The following LAMP2 variants were observed in gnomAD, a reference collection of about 807,000 sequenced individuals.
LAMP2 encodes the protein lysosome associated membrane protein 2.
A neutral mutation model predicts 25.6 loss-of-function variants in LAMP2; 4 were observed. The ratio of observed to expected loss-of-function variants is 0.16; its 90% CI spans 0.08 to 0.36. LAMP2 has a LOEUF of 0.36. LAMP2 is among the 10% of genes least tolerant of loss of function. The pLI is 1.00. For missense variants in LAMP2, 272 were observed against 301.4 expected, an observed-to-expected ratio of 0.90 and a Z score of 0.72; for synonymous variants, 108 against 112.7, an observed-to-expected ratio of 0.96 and a Z score of 0.27.
At chrX:120,449,200 T>A in intron 3 of LAMP2, 72 bp from the exon 4 acceptor site, 4 of 858,033 alleles carry the variant, frequency 4.7e-6, no homozygotes, top group Non-Finnish European at 6.7e-6. Flanking sequence ...TATATTTGTA[T>A]AGGCTTTCTT....
Position 120,429,138 on chromosome X carries a change from G to GTA in LAMP2, c.*2183_*2184dup. The GTA allele has an allele frequency of 1.5e-6, 1 of 658,967 alleles. No individual in the cohort carries two copies. Among genetic ancestry groups the GTA allele is most frequent in the South Asian group, 7.8e-5 (1 of 12,877 alleles). 54.3% of individuals were successfully genotyped at this position (658,967 alleles called of 1,213,427 possible). On this transcript the variant is annotated 3_prime_UTR_variant, in exon 9 of 9. Coordinates refer to ENST00000200639, the MANE Select transcript of LAMP2 (RefSeq NM_002294.3). Reference sequence around the variant, plus strand: ...TATATGTGTATATATATGTGTGTGTGTATATATATGTGTGTGTGTGTACAT... The same window carrying GTA: ...TATATGTGTATATATATGTGTGTGTGTATATATATATGTGTGTGTGTGTACAT...
intron 1 of LAMP2, among the ~76,000 whole-genome samples, chrX:120,461,884 C>T (rs1398681342): frequency 1.8e-5 from 2 of 111,950 alleles, no homozygotes; most frequent in African/African-American, 6.5e-5. Flanking sequence ...TCCCTCAAAC[C>T]CCATGTTGGG....
chrX:120,452,588 G>A (rs1220904190), intron 3 of LAMP2, among the ~76,000 whole-genome samples: 1 of 105,067 alleles, frequency 9.5e-6, no homozygotes, highest in African/African-American at 3.6e-5. Flanking sequence ...CTCTCTCTCT[G>A]TCACCCAGGC....
chrX:120,442,413 G>T (rs895107526), intron 7 of LAMP2, among the ~76,000 whole-genome samples, 186 bp downstream of exon 7: 3 of 110,895 alleles, frequency 2.7e-5, no homozygotes, highest in Non-Finnish European at 5.7e-5. Context: ...TTGAAAAAAT[G>T]GGATACAGAA....
intron 3 of LAMP2, 75 bp from the exon 4 acceptor site, chrX:120,449,203 G>T: frequency 1.2e-6 from 1 of 842,399 alleles, no homozygotes; most frequent in Non-Finnish European, 1.7e-6. Flanking sequence ...ATTTGTATAG[G>T]CTTTCTTCTT....
intron 1 of LAMP2, among the ~76,000 whole-genome samples, chrX:120,460,445 C>T (rs989685170): frequency 1.8e-5 from 2 of 111,554 alleles, no homozygotes; most frequent in Non-Finnish European, 3.8e-5. Flanking sequence ...TTTCCCTTCC[C>T]AAGGGTTACT....
intron 8 of LAMP2, chrX:120,439,237 C>T (rs758513753): frequency 8.3e-7 from 1 of 1,208,027 alleles, no homozygotes; most frequent in African/African-American, 1.7e-5. Flanking sequence ...CCTGAAAGAC[C>T]AGCACCAACT....
chrX:120,459,275 T>C (rs1185432922), intron 1 of LAMP2, among the ~76,000 whole-genome samples: 2 of 112,196 alleles, frequency 1.8e-5, no homozygotes, highest in Admixed American at 1.9e-4. Flanking sequence ...ACACCCCTTG[T>C]CCCCTTGTTA....
chrX:120,448,576 T>G (rs1400046643), intron 4 of LAMP2, among the ~76,000 whole-genome samples: 1 of 112,588 alleles, frequency 8.9e-6, no homozygotes, highest in East Asian at 2.8e-4. Flanking sequence ...TTATTACCTT[T>G]CCATAAAGCT....
In LAMP2 at chrX:120,428,240, TAAA is replaced by T. The variant is rs2058506319; in HGVS notation, c.*3080_*3082del. The stretch of plus-strand genomic sequence containing the variant: ...CAGGGGCTTAAAATCATTATTTACT[TAAA>T]AAATTCTAAGCCACAATTTTTCTTT... On this transcript the variant is annotated 3_prime_UTR_variant, in exon 9 of 9. Coordinates refer to ENST00000200639, the MANE Select transcript of LAMP2 (RefSeq NM_002294.3). 2 of 260,740 alleles carry T rather than the reference TAAA, an allele frequency of 7.7e-6. No individual in the cohort carries two copies. The highest frequency in any genetic ancestry group is 4.7e-4 in the South Asian group (2 of 4,256). 21.5% of individuals were successfully genotyped at this position (260,740 alleles called of 1,213,427 possible).
intron 1 of LAMP2, among the ~76,000 whole-genome samples, chrX:120,461,235 C>T (rs957740239): frequency 2.7e-5 from 3 of 111,857 alleles, no homozygotes; most frequent in Non-Finnish European, 5.6e-5. Flanking sequence ...GGCTGATATG[C>T]TATCTGTTTT....
At chrX:120,441,960 C>T in intron 7 of LAMP2, 66 bp from the exon 8 acceptor site, 2 of 1,017,801 alleles carry the variant, frequency 2.0e-6, no homozygotes, top group Non-Finnish European at 2.8e-6. Context: ...GAAAGTTGGC[C>T]AGGCACAGTG....
At chrX:120,437,655 A>G in intron 8 of LAMP2, 9 of 749,991 alleles carry the variant, frequency 1.2e-5, no homozygotes, top group Non-Finnish European at 1.4e-5. Context: ...CTGAACACAA[A>G]GCACGTGAAT....
At chrX:120,439,193 A>G in intron 8 of LAMP2, 3 of 1,209,628 alleles carry the variant, frequency 2.5e-6, no homozygotes, top group Non-Finnish European at 3.4e-6. Flanking sequence ...TTCTTCTGCC[A>G]ATTACGTAAG....
Position 120,442,589 on chromosome X carries a change from C to T in LAMP2, c.928+10G>A. 1 of 1,195,441 alleles carries T rather than the reference C, an allele frequency of 8.4e-7. No individual in the cohort carries two copies. The highest frequency in any genetic ancestry group is 1.1e-6 in the Non-Finnish European group (1 of 880,529). ...CACAGTCTTTTTCCCCAGGCCAGTG[C>T]TTTGCTTACCGGAGCCATTAACCAA... On this transcript the variant is annotated intron_variant, in intron 7 of 8. Transcript: ENST00000200639.
intron 8 of LAMP2, among the ~76,000 whole-genome samples, chrX:120,440,398 A>C (rs747582757): frequency 9.0e-6 from 1 of 111,489 alleles, no homozygotes; most frequent in South Asian, 3.7e-4. Flanking sequence ...TTGCAATTCT[A>C]TTTCTTTCCC....
At chrX:120,438,398 A>G in intron 8 of LAMP2, 1 of 745,040 alleles carries the variant, frequency 1.3e-6, no homozygotes, top group Non-Finnish European at 1.6e-6. Context: ...TAAAAAATGG[A>G]TTGAAATGCC....
chrX:120,439,199 G>A (rs375487167), intron 8 of LAMP2: 21 of 1,206,501 alleles, frequency 1.7e-5, no homozygotes, highest in South Asian at 3.5e-5. Flanking sequence ...TGCCAATTAC[G>A]TAAGCAATCA....
Position 120,428,908 on chromosome X carries a change from G to T in LAMP2, c.*2415C>A. ...AAGACTTTAGGTTTGATTATCTAAT[G>T]ACACTGGGTTAAGGAGCCATCATCT... On this transcript the variant is annotated 3_prime_UTR_variant, in exon 9 of 9. Transcript: ENST00000200639. The T allele has an allele frequency of 1.3e-6, 1 of 752,260 alleles. No homozygotes were observed. The highest frequency in any genetic ancestry group is 1.6e-6 in the Non-Finnish European group (1 of 638,372). The allele number at this position is 752,260 out of a possible 1,213,427, so 62.0% of individuals were successfully genotyped here.
Sources: allele counts gnomAD v4.1 joint callset (sites outside exome capture counted in the v4.1 genomes callset), GRCh38; gene constraint gnomAD v4.1.1; transcripts MANE v1.5; gene names NCBI Gene and HGNC (gene_info 2026-07-23, HGNC 2026-07-21).